CHCHD6: variants seen among roughly 807,000 people sequenced by gnomAD.
CHCHD6 encodes the protein coiled-coil-helix-coiled-coil-helix domain containing 6.
CHCHD6 carries 28 observed loss-of-function variants against 32.3 expected under a neutral mutation model. The observed-to-expected ratio is 0.87, with a 90% CI of 0.64 to 1.19. The LOEUF (loss-of-function observed/expected upper bound fraction) is 1.19. Among genes scored for constraint, CHCHD6 ranks in the 50% most tolerant of loss-of-function variants. The pLI is 0.00. For missense variants in CHCHD6, 333 were observed against 307.0 expected, an observed-to-expected ratio of 1.08 and a Z score of -0.63; for synonymous variants, 122 against 117.5, an observed-to-expected ratio of 1.04 and a Z score of -0.25.
chr3:126,829,207 A>T (rs1236832091), intron 4 of CHCHD6, among the ~76,000 whole-genome samples: 1 of 152,090 alleles, frequency 6.6e-6, no homozygotes, highest in African/African-American at 2.4e-5. Context: ...ATTAGGGCAG[A>T]GTTTCTATGC....
chr3:126,728,405 G>A (rs940767120), intron 2 of CHCHD6, among the ~76,000 whole-genome samples: 7 of 152,182 alleles, frequency 4.6e-5, no homozygotes, highest in East Asian at 1.9e-4. Flanking sequence ...GAGGTCCGGC[G>A]ACAGGGTGCA....
intron 4 of CHCHD6, among the ~76,000 whole-genome samples, chr3:126,827,047 T>C (rs1940425254): frequency 6.6e-6 from 1 of 152,092 alleles, no homozygotes; most frequent in Non-Finnish European, 1.5e-5. Flanking sequence ...AGGAGGAAGC[T>C]ATGGTGTGCC....
At chr3:126,793,585 A>AT (rs1347946536) in intron 4 of CHCHD6, among the ~76,000 whole-genome samples, 1 of 152,112 alleles carries the variant, frequency 6.6e-6, no homozygotes, top group East Asian at 1.9e-4. Context: ...CAGTGACACA[A>AT]TTTTTTGCTT....
chr3:126,902,525 G>T (rs926093281), intron 5 of CHCHD6, among the ~76,000 whole-genome samples: 5 of 151,986 alleles, frequency 3.3e-5, no homozygotes, highest in Non-Finnish European at 5.9e-5. Flanking sequence ...GACCATCCTG[G>T]CTAACATGGT....
intron 7 of CHCHD6, chr3:126,957,964 G>A (rs1271516114): frequency 3.1e-6 from 1 of 325,608 alleles, no homozygotes; most frequent in Non-Finnish European, 6.0e-6. Flanking sequence ...TGGAAGAGGA[G>A]TGGGAGCAGA....
At position 126,908,524 on chromosome 3, in the gene CHCHD6, C is replaced by A. The variant is rs897569917; in HGVS notation, c.496-6156C>A. 2.0e-5 allele frequency among the ~76,000 whole-genome samples: 3 copies of A among 152,270 alleles called. 1 individual carries two copies. On this transcript the variant is annotated intron_variant, in intron 5 of 7. Transcript: ENST00000290913. Reference sequence around the variant, plus strand: ...CGGATTTTCTGTAGTGGTTCTGACCCCTATTTCCATTTACTCAACTTTACA... The same window carrying A: ...CGGATTTTCTGTAGTGGTTCTGACCACTATTTCCATTTACTCAACTTTACA...
chr3:126,956,143 A>C (rs2078780263), intron 6 of CHCHD6, among the ~76,000 whole-genome samples: 1 of 152,234 alleles, frequency 6.6e-6, no homozygotes, highest in East Asian at 1.9e-4. Context: ...TGACCTACAT[A>C]TCTCTCTCTC....
intron 4 of CHCHD6, among the ~76,000 whole-genome samples, chr3:126,741,022 A>G (rs544869476): frequency 6.6e-6 from 1 of 152,312 alleles, no homozygotes; most frequent in East Asian, 1.9e-4. Flanking sequence ...CTGCTGCAGT[A>G]GTGATGCCTG....
intron 6 of CHCHD6, among the ~76,000 whole-genome samples, chr3:126,939,206 G>C (rs1469773629): frequency 6.6e-6 from 1 of 152,132 alleles, no homozygotes; most frequent in African/African-American, 2.4e-5. Flanking sequence ...ACACAGCTGG[G>C]ACAGGATCAA....
At chr3:126,776,533 T>A (rs1937655357) in intron 4 of CHCHD6, among the ~76,000 whole-genome samples, 1 of 152,228 alleles carries the variant, frequency 6.6e-6, no homozygotes, top group African/African-American at 2.4e-5. Context: ...TTTGGATCGA[T>A]TCTGAATTCC....
chr3:126,718,664 GCTC>G (rs1559802023), intron 1 of CHCHD6, among the ~76,000 whole-genome samples: 1 of 152,178 alleles, frequency 6.6e-6, no homozygotes, highest in Non-Finnish European at 1.5e-5. Flanking sequence ...GGTGGGCAGA[GCTC>G]CTCCTCCCCT....
At chr3:126,718,109 T>A (rs1576332366) in intron 1 of CHCHD6, among the ~76,000 whole-genome samples, 1 of 152,152 alleles carries the variant, frequency 6.6e-6, no homozygotes, top group African/African-American at 2.4e-5. Flanking sequence ...TTAAAAAGAA[T>A]GTGCCCAATT....
intron 6 of CHCHD6, among the ~76,000 whole-genome samples, chr3:126,951,480 A>G (rs780908355): frequency 1.3e-5 from 2 of 152,186 alleles, no homozygotes; most frequent in African/African-American, 2.4e-5. Context: ...GAGGCATGTC[A>G]TGAGTGGAAA....
intron 5 of CHCHD6, among the ~76,000 whole-genome samples, chr3:126,894,175 CCTTG>C (rs1403343829): frequency 6.6e-6 from 1 of 152,256 alleles, no homozygotes; most frequent in Admixed American, 6.5e-5. Flanking sequence ...ATGTCCCCAC[CCTTG>C]CTTGAGGCCA....
At chr3:126,812,803 G>A (rs1939722610) in intron 4 of CHCHD6, among the ~76,000 whole-genome samples, 1 of 152,008 alleles carries the variant, frequency 6.6e-6, no homozygotes, top group Non-Finnish European at 1.5e-5. Context: ...TTCCCTGTTG[G>A]TTGGCACCTT....
At chr3:126,757,030 G>A (rs1434883896) in intron 4 of CHCHD6, among the ~76,000 whole-genome samples, 1 of 152,132 alleles carries the variant, frequency 6.6e-6, no homozygotes, top group African/African-American at 2.4e-5. Flanking sequence ...TTTTAGCATA[G>A]GGAAGAAAGC....
intron 5 of CHCHD6, among the ~76,000 whole-genome samples, chr3:126,853,599 C>G (rs918759718): frequency 2.0e-5 from 3 of 152,150 alleles, no homozygotes; most frequent in African/African-American, 7.2e-5. Flanking sequence ...TTCTGGATTT[C>G]CAGGCCATGG....
At chr3:126,832,263 A>G (rs1467029332) in intron 4 of CHCHD6, among the ~76,000 whole-genome samples, 1 of 152,226 alleles carries the variant, frequency 6.6e-6, no homozygotes, top group Non-Finnish European at 1.5e-5. Context: ...TGGCTTATCT[A>G]GGACTTATTG....
At chr3:126,806,446 A>G (rs1000484246) in intron 4 of CHCHD6, among the ~76,000 whole-genome samples, 17 of 152,118 alleles carry the variant, frequency 1.1e-4, no homozygotes, top group Non-Finnish European at 2.1e-4. Flanking sequence ...CACATGAAAA[A>G]ATGCTCATCA....
Sources: allele counts gnomAD v4.1 joint callset (sites outside exome capture counted in the v4.1 genomes callset), GRCh38; gene constraint gnomAD v4.1.1; transcripts MANE v1.5; gene names NCBI Gene and HGNC (gene_info 2026-07-23, HGNC 2026-07-21).